PBX1: variants seen among roughly 807,000 people sequenced by gnomAD.
The protein encoded by PBX1 is pre-B-cell leukemia transcription factor 1.
Under a neutral mutation model 53.4 loss-of-function variants are expected in PBX1, and 6 were observed. The observed-to-expected ratio is 0.11, with a 90% CI of 0.06 to 0.22. The LOEUF (loss-of-function observed/expected upper bound fraction) is 0.22, where lower values mean the gene tolerates loss of function less well. Among genes scored for constraint, PBX1 ranks in the 10% least tolerant of loss-of-function variants. PBX1 has a pLI of 1.00. For missense variants in PBX1, 251 were observed against 551.4 expected, an observed-to-expected ratio of 0.46 and a Z score of 5.46; for synonymous variants, 204 against 212.3, an observed-to-expected ratio of 0.96 and a Z score of 0.34.
At chr1:164,565,354 T>A (rs1326186277) in intron 2 of PBX1, among the ~76,000 whole-genome samples, 1 of 151,982 alleles carries the variant, frequency 6.6e-6, no homozygotes, top group East Asian at 1.9e-4. Context: ...TAGAATAACA[T>A]ATTTAAAAAA....
chr1:164,670,689 G>C (rs2101970925), intron 2 of PBX1, among the ~76,000 whole-genome samples: 1 of 152,214 alleles, frequency 6.6e-6, no homozygotes, highest in East Asian at 1.9e-4. Flanking sequence ...AGCAACTCTG[G>C]GGCAGAAAAA....
At chr1:164,647,519 A>T (rs762127840) in intron 2 of PBX1, among the ~76,000 whole-genome samples, 3 of 152,186 alleles carry the variant, frequency 2.0e-5, no homozygotes, top group Non-Finnish European at 4.4e-5. Context: ...GGCCCCTCCC[A>T]GGTATGATCT....
At chr1:164,685,546 T>A (rs1662047979) in intron 2 of PBX1, among the ~76,000 whole-genome samples, 1 of 152,272 alleles carries the variant, frequency 6.6e-6, no homozygotes, top group Non-Finnish European at 1.5e-5. Context: ...AGCCATGAAA[T>A]AATGTGAGAG....
downstream of PBX1, among the ~76,000 whole-genome samples, chr1:164,852,005 A>AGAAG (rs960542631): frequency 6.6e-5 from 10 of 152,268 alleles, no homozygotes; most frequent in East Asian, 1.9e-4. Context: ...TCAGGAAATA[A>AGAAG]GAAGGAAGGA....
chr1:164,643,054 G>C (rs1659238090), intron 2 of PBX1, among the ~76,000 whole-genome samples: 1 of 152,154 alleles, frequency 6.6e-6, no homozygotes, highest in African/African-American at 2.4e-5. Flanking sequence ...CGTTAATTTT[G>C]TTATTAGAAA....
intron 2 of PBX1, among the ~76,000 whole-genome samples, chr1:164,706,021 TTTGA>T (rs1271828975): frequency 2.0e-5 from 3 of 152,226 alleles, no homozygotes; most frequent in African/African-American, 7.2e-5. Flanking sequence ...CCTTTTGGTT[TTTGA>T]TTGCTGAGTT....
intron 2 of PBX1, among the ~76,000 whole-genome samples, chr1:164,627,121 G>T (rs1429556022): frequency 6.6e-6 from 1 of 152,134 alleles, no homozygotes; most frequent in Non-Finnish European, 1.5e-5. Flanking sequence ...TTGACAGGAG[G>T]GGTTTCAGAA....
At chr1:164,620,155 G>T (rs1021774553) in intron 2 of PBX1, among the ~76,000 whole-genome samples, 3 of 152,098 alleles carry the variant, frequency 2.0e-5, no homozygotes, top group Non-Finnish European at 4.4e-5. Context: ...GATTGGACCT[G>T]GCAGCAGAGT....
Position 164,842,921 on chromosome 1 carries a change from A to G in PBX1, c.1201-3663A>G, listed in dbSNP as rs535331023. On this transcript the variant is annotated intron_variant, in intron 8 of 8. Transcript: ENST00000420696. ...TTTCCACCCCGCCCCCACCCACCGC[A>G]CAGTTGTTAATGAAAGCATCCTCTC... 4.0e-5 allele frequency among the ~76,000 whole-genome samples: 5 copies of G among 123,760 alleles called. No homozygotes were observed. In the East Asian group the frequency reaches 1.3e-3, roughly 32 times the overall value. 81.2% of individuals were successfully genotyped at this position (123,760 alleles called of 152,430 possible).
chr1:164,713,317 G>C (rs1379098706), intron 2 of PBX1, among the ~76,000 whole-genome samples: 1 of 152,124 alleles, frequency 6.6e-6, no homozygotes, highest in Admixed American at 6.5e-5. Flanking sequence ...CTCTCCAACA[G>C]CTATGATAAA....
At chr1:164,669,848 A>G (rs1236982027) in intron 2 of PBX1, among the ~76,000 whole-genome samples, 2 of 152,078 alleles carry the variant, frequency 1.3e-5, no homozygotes, top group Non-Finnish European at 2.9e-5. Context: ...TCTCCCTTCA[A>G]GTCAGTTGGT....
intron 2 of PBX1, among the ~76,000 whole-genome samples, chr1:164,885,625 G>A (rs1672759765): frequency 6.6e-6 from 1 of 152,200 alleles, no homozygotes; most frequent in Non-Finnish European, 1.5e-5. Flanking sequence ...CCGTCTTCAA[G>A]CAATGGGCTC....
At position 164,863,261 on chromosome 1, in the gene PBX1, G is replaced by A. The variant is rs569954093; in HGVS notation, n.257+31778G>A. On this transcript the variant is annotated intron_variant and non_coding_transcript_variant, in intron 2 of 2. Transcript: ENST00000558796. Reference sequence around the variant, plus strand: ...GATCTGTTGTGATAATTGTAGATGCGTTAGCAGAGGGCAAGGGGTGACAGA... The same window carrying A: ...GATCTGTTGTGATAATTGTAGATGCATTAGCAGAGGGCAAGGGGTGACAGA... 8.5e-5 allele frequency among the ~76,000 whole-genome samples: 13 copies of A among 152,348 alleles called. No homozygotes were observed. In the South Asian group the frequency reaches 2.1e-3, roughly 24 times the overall value.
intron 1 of PBX1, among the ~76,000 whole-genome samples, chr1:164,560,890 T>C (rs1185217642): frequency 6.6e-6 from 1 of 152,202 alleles, no homozygotes; most frequent in African/African-American, 2.4e-5. Context: ...TTATGAATTT[T>C]ATATATTTCA....
chr1:164,673,545 A>G (rs974516855), intron 2 of PBX1, among the ~76,000 whole-genome samples: 4 of 135,380 alleles, frequency 3.0e-5, no homozygotes, highest in African/African-American at 1.2e-4. Context: ...ATCTCTGCTC[A>G]CTGCAACCTC....
chr1:164,619,279 T>A (rs2101847525), intron 2 of PBX1, among the ~76,000 whole-genome samples: 1 of 152,190 alleles, frequency 6.6e-6, no homozygotes, highest in South Asian at 2.1e-4. Context: ...GCGCCTAAAC[T>A]CAGAGCCAGG....
intron 2 of PBX1, among the ~76,000 whole-genome samples, chr1:164,571,918 C>CATA (rs1557867060): frequency 2.4e-4 from 10 of 42,340 alleles, no homozygotes; most frequent in South Asian, 1.0e-3. Context: ...TATATATATG[C>CATA]TTTTTTTTTT....
chr1:164,730,951 A>T (rs557338606), intron 2 of PBX1, among the ~76,000 whole-genome samples: 2 of 152,288 alleles, frequency 1.3e-5, no homozygotes, highest in South Asian at 4.1e-4. Context: ...TTTCATGTGC[A>T]TGTGTTTTGT....
chr1:164,820,302 C>T, intron 7 of PBX1, 118 bp downstream of exon 7: 1 of 630,690 alleles, frequency 1.6e-6, no homozygotes. Flanking sequence ...GAACCAAAAC[C>T]TTACCAACGA....
Sources: gnomAD v4.1 joint callset for allele counts (sites outside exome capture counted in the v4.1 genomes callset) on GRCh38, gnomAD v4.1.1 for gene constraint, MANE v1.5 for transcripts, NCBI Gene and HGNC (gene_info 2026-07-23, HGNC 2026-07-21) for gene names.